RBMS3: variants seen among roughly 807,000 people sequenced by gnomAD.
The protein encoded by RBMS3 is RNA-binding motif, single-stranded-interacting protein 3.
RBMS3 carries 27 observed loss-of-function variants against 66.8 expected under a neutral mutation model. The observed-to-expected ratio is 0.40, with a 90% CI of 0.30 to 0.56. The LOEUF (loss-of-function observed/expected upper bound fraction) is 0.56. Among genes scored for constraint, RBMS3 ranks in the 20% least tolerant of loss-of-function variants. The pLI, the probability that RBMS3 is intolerant of heterozygous loss-of-function variation, is 0.40. For synonymous variants in RBMS3, 188 were observed against 183.0 expected (o/e 1.03, Z -0.22); for missense variants, 513 against 549.5 (o/e 0.93, Z 0.66).
At chr3:29,403,267 G>A (rs1424381118) in intron 1 of RBMS3, among the ~76,000 whole-genome samples, 2 of 151,990 alleles carry the variant, frequency 1.3e-5, no homozygotes, top group Admixed American at 6.6e-5. Flanking sequence ...GATTCAGGTG[G>A]AGAAGTCAAA....
chr3:29,402,147 T>G (rs923890906), intron 1 of RBMS3, among the ~76,000 whole-genome samples: 10 of 152,196 alleles, frequency 6.6e-5, no homozygotes, highest in African/African-American at 2.4e-4. Context: ...GGTAATATAT[T>G]GAAGACTAGG....
chr3:29,883,381 G>A (rs1322773795), intron 7 of RBMS3, among the ~76,000 whole-genome samples: 1 of 152,024 alleles, frequency 6.6e-6, no homozygotes, highest in Admixed American at 6.6e-5. Flanking sequence ...CTATAAAATG[G>A]AGAAAATACT....
At chr3:29,554,074 T>G (rs3821572) in intron 3 of RBMS3, among the ~76,000 whole-genome samples, 9,562 of 152,314 alleles carry the variant, frequency 0.063, 329 homozygotes, top group South Asian at 0.14. Flanking sequence ...TTATTCCATA[T>G]TAAGATATCA....
intron 10 of RBMS3, among the ~76,000 whole-genome samples, chr3:29,913,786 C>T (rs377338154): frequency 1.1e-3 from 162 of 151,902 alleles, no homozygotes; most frequent in African/African-American, 3.3e-3. Flanking sequence ...TCTTACTTTC[C>T]GATAAAGGCT....
At chr3:29,667,735 T>C (rs1341449122) in intron 4 of RBMS3, among the ~76,000 whole-genome samples, 1 of 152,174 alleles carries the variant, frequency 6.6e-6, no homozygotes, top group Admixed American at 6.5e-5. Context: ...GACCCAGTCT[T>C]TCTCTGGCTT....
intron 1 of RBMS3, among the ~76,000 whole-genome samples, chr3:29,399,545 C>T (rs540457860): frequency 1.6e-4 from 25 of 152,294 alleles, no homozygotes; most frequent in Admixed American, 9.8e-4. Context: ...CATGGCACTT[C>T]GGCTTTGGCC....
At chr3:29,864,210 C>T (rs2059288586) in intron 6 of RBMS3, among the ~76,000 whole-genome samples, 1 of 152,094 alleles carries the variant, frequency 6.6e-6, no homozygotes, top group Non-Finnish European at 1.5e-5. Context: ...ATTTAAACTG[C>T]CAGCAGAACT....
intron 1 of RBMS3, among the ~76,000 whole-genome samples, chr3:29,381,283 AG>A (rs2038754564): frequency 6.6e-6 from 1 of 152,202 alleles, no homozygotes; most frequent in Non-Finnish European, 1.5e-5. Context: ...AAGAGAAGCA[AG>A]GAAGTGTAAG....
intron 2 of RBMS3, among the ~76,000 whole-genome samples, chr3:29,466,068 C>T (rs2042532023): frequency 6.6e-6 from 1 of 151,856 alleles, no homozygotes; most frequent in East Asian, 1.9e-4. Flanking sequence ...TCTCTGTGGT[C>T]ATTCTGGAAG....
intron 4 of RBMS3, among the ~76,000 whole-genome samples, chr3:29,599,432 G>T (rs1304679507): frequency 2.0e-5 from 3 of 150,362 alleles, no homozygotes; most frequent in African/African-American, 7.3e-5. Flanking sequence ...AAAGAAAATA[G>T]AAAAAAAAGT....
rs1699751381 is a variant in RBMS3 at position 30,004,659 on chromosome 3, T to C, written c.*797T>C. On this transcript the variant is annotated 3_prime_UTR_variant, in exon 15 of 15. Coordinates refer to ENST00000383767, the MANE Select transcript of RBMS3 (RefSeq NM_001003793.3). ...ACTTTGTCTTAAGTGTTGACATGAATCATTCTAAAAGGCTAAAACATTTTA... is the reference window on the plus strand; with the variant it reads ...ACTTTGTCTTAAGTGTTGACATGAACCATTCTAAAAGGCTAAAACATTTTA... The C allele has an allele frequency of 6.6e-6, 1 of 152,274 alleles. No homozygotes were observed. The highest frequency in any genetic ancestry group is 6.6e-5 in the Admixed American group (1 of 15,202). The allele number at this position is 152,274 out of a possible 1,614,324, so 9.4% of individuals were successfully genotyped here.
At chr3:29,640,483 G>A (rs910035879) in intron 4 of RBMS3, among the ~76,000 whole-genome samples, 1 of 136,620 alleles carries the variant, frequency 7.3e-6, no homozygotes, top group Non-Finnish European at 1.6e-5. Context: ...AAATTCTATA[G>A]GACCAAGAGC....
intron 12 of RBMS3, among the ~76,000 whole-genome samples, chr3:29,978,480 T>C (rs999674857): frequency 3.9e-5 from 6 of 152,128 alleles, no homozygotes; most frequent in African/African-American, 1.4e-4. Context: ...TTTTTTTCAT[T>C]AAAAGATACA....
intron 4 of RBMS3, among the ~76,000 whole-genome samples, chr3:29,677,168 C>A (rs2051291638): frequency 6.6e-6 from 1 of 152,090 alleles, no homozygotes; most frequent in Admixed American, 6.6e-5. Context: ...TCATGAGAAA[C>A]CACCCTCATA....
chr3:29,727,561 C>A (rs1201805098), intron 4 of RBMS3, among the ~76,000 whole-genome samples: 1 of 152,098 alleles, frequency 6.6e-6, no homozygotes, highest in African/African-American at 2.4e-5. Flanking sequence ...TATGAACAGA[C>A]ACTTCCCAAA....
intron 2 of RBMS3, among the ~76,000 whole-genome samples, chr3:29,481,686 A>C (rs1319261609): frequency 2.0e-5 from 3 of 152,142 alleles, no homozygotes; most frequent in Non-Finnish European, 4.4e-5. Context: ...TGAAGAAGAA[A>C]CTGTGAATTG....
chr3:29,641,070 C>T (rs1559530308), intron 4 of RBMS3: 1 of 151,964 alleles, frequency 6.6e-6, no homozygotes, highest in Non-Finnish European at 1.5e-5. Context: ...CTAGGAAAGA[C>T]ATAAAAATCC....
At chr3:29,490,180 A>C (rs1350821050) in intron 3 of RBMS3, among the ~76,000 whole-genome samples, 1 of 106,438 alleles carries the variant, frequency 9.4e-6, no homozygotes, top group East Asian at 2.8e-4. Flanking sequence ...TTAAAATTAA[A>C]ATTTAAAATT....
chr3:29,332,294 A>C (rs1302631849), intron 1 of RBMS3, among the ~76,000 whole-genome samples: 1 of 152,138 alleles, frequency 6.6e-6, no homozygotes, highest in Non-Finnish European at 1.5e-5. Context: ...AGACAAAACA[A>C]CAAGAAACAG....
Sources: gnomAD v4.1 joint callset for allele counts (sites outside exome capture counted in the v4.1 genomes callset) on GRCh38, gnomAD v4.1.1 for gene constraint, MANE v1.5 for transcripts, NCBI Gene and HGNC (gene_info 2026-07-23, HGNC 2026-07-21) for gene names.